FANCI: variants seen among roughly 807,000 people sequenced by gnomAD.
FANCI encodes FA complementation group I.
A neutral mutation model predicts 176.1 loss-of-function variants in FANCI; 156 were observed. The ratio of observed to expected loss-of-function variants is 0.89; its 90% confidence interval spans 0.78 to 1.01. The LOEUF is 1.01. Among genes scored for constraint, FANCI ranks in the 50% least tolerant of loss-of-function variants. The pLI is 0.00. For missense variants in FANCI, 1,678 were observed against 1,534.1 expected (o/e 1.09, Z -1.57); for synonymous variants, 613 against 541.7 (o/e 1.13, Z -1.83).
At chr15:89,244,427 GGCGTTTCC>G (rs2051852349) in intron 1 of FANCI, 1 of 152,234 alleles carries the variant, frequency 6.6e-6, no homozygotes, top group Non-Finnish European at 1.5e-5. Context: ...GGAAGGCCGC[GGCGTTTCC>G]CGCCGGCGGG....
intron 26 of FANCI, among the ~76,000 whole-genome samples, chr15:89,300,687 T>A (rs1411040112): frequency 6.6e-6 from 1 of 152,202 alleles, no homozygotes; most frequent in Non-Finnish European, 1.5e-5. Context: ...GTTTTCTGAG[T>A]CTGTGGTATA....
At chr15:89,296,429 G>C (rs1567167553) in intron 24 of FANCI, among the ~76,000 whole-genome samples, 2 of 151,644 alleles carry the variant, frequency 1.3e-5, no homozygotes, top group African/African-American at 2.4e-5. Flanking sequence ...TTTTTGTTTT[G>C]TTTTGTTTTT....
chr15:89,278,580 G>T (rs1161855365), intron 13 of FANCI, 107 bp from the exon 14 acceptor site: 6 of 760,364 alleles, frequency 7.9e-6, no homozygotes, highest in Middle Eastern at 2.3e-4. Context: ...CTGATTTTTT[G>T]AGTTTTACTC....
chr15:89,271,432 T>C (rs2053196869), intron 10 of FANCI, among the ~76,000 whole-genome samples: 1 of 152,248 alleles, frequency 6.6e-6, no homozygotes, highest in African/African-American at 2.4e-5. Flanking sequence ...ATGTCTTCTT[T>C]CATTAAGTGT....
At chr15:89,313,808 GA>G (rs1266755969) in intron 35 of FANCI, among the ~76,000 whole-genome samples, 1 of 151,472 alleles carries the variant, frequency 6.6e-6, no homozygotes, top group Non-Finnish European at 1.5e-5. Context: ...GGAGAGATAT[GA>G]AAAAAATAAA....
chr15:89,281,417 G>A (rs1381028484), intron 15 of FANCI, 117 bp downstream of exon 15: 5 of 1,329,812 alleles, frequency 3.8e-6, no homozygotes, highest in Non-Finnish European at 5.3e-6. Flanking sequence ...ACTTTAGTCT[G>A]AAACATAAAA....
At chr15:89,308,814 C>T (rs549112745) in intron 34 of FANCI, among the ~76,000 whole-genome samples, 3 of 152,124 alleles carry the variant, frequency 2.0e-5, no homozygotes, top group South Asian at 2.1e-4. Flanking sequence ...AGCATGCTGG[C>T]GGGCACCTGT....
intron 34 of FANCI, 159 bp downstream of exon 34, chr15:89,307,831 T>A (rs993761881): frequency 6.6e-7 from 1 of 1,508,758 alleles, no homozygotes; most frequent in African/African-American, 1.4e-5. Flanking sequence ...GCTTGAGGGC[T>A]TTGCAGCAAG....
chr15:89,297,165 C>T lies in FANCI; in HGVS notation c.2636+2071C>T, dbSNP rs1322135964. On this transcript the variant is annotated intron_variant, in intron 24 of 37. Coordinates refer to ENST00000310775, the MANE Select transcript of FANCI (RefSeq NM_001113378.2). ...AGGGCTCCTCACTTCTCAGACGGGGCGGCCGGGCAGAGGTGCTCCTCACAT... is the reference window on the plus strand; with the variant it reads ...AGGGCTCCTCACTTCTCAGACGGGGTGGCCGGGCAGAGGTGCTCCTCACAT... Among the ~76,000 whole-genome samples the T allele has an allele frequency of 3.7e-4, 49 of 134,054 alleles. 2 individuals are homozygous for T. The highest frequency in any genetic ancestry group is 7.3e-4 in the Admixed American group (10 of 13,628). The allele number at this position is 134,054 out of a possible 152,430, so 87.9% of individuals were successfully genotyped here.
chr15:89,307,545 C>G lies in FANCI; in HGVS notation c.3591+16C>G, dbSNP rs771049012. ...GGAAAAGCTGGTGAGTTGAGAATGC[C>G]TTTCCTAGGAATGGGGGAAGCACTT... On this transcript the variant is annotated intron_variant, in intron 33 of 37. Transcript: ENST00000310775. 23 of 1,614,050 alleles carry G rather than the reference C, an allele frequency of 1.4e-5. No individual in the cohort carries two copies. Among genetic ancestry groups the G allele is most frequent in the Non-Finnish European group, 1.9e-5 (22 of 1,180,038 alleles).
At chr15:89,307,263 G>C (rs553956953) in intron 32 of FANCI, among the ~76,000 whole-genome samples, 2 of 152,250 alleles carry the variant, frequency 1.3e-5, no homozygotes, top group African/African-American at 4.8e-5. Flanking sequence ...TTAAAGAAAT[G>C]AGCAAATCAG....
In FANCI at chr15:89,295,062, A is replaced by C. The variant is rs118031800; in HGVS notation, c.2604A>C (p.Glu868Asp). The change falls in exon 24 of 38, where the codon GAA becomes GAC. Residue 868 changes from glutamate (E) to aspartate (D), a missense_variant. Physicochemically the swap from Glu to Asp is conservative, Grantham distance 45. Around this residue, in one of 3 missense-constraint regions of FANCI, gnomAD observed 1,204 missense variants for 1,077.4 expected, o/e 1.12. Coordinates refer to ENST00000310775, the MANE Select transcript of FANCI (RefSeq NM_001113378.2). ...HVSGPDGQNP[E>D]KIFQNLCDIT... ...GTGGCCCTGATGGCCAAAACCCAGA[A>C]AAGATCTTTCAGAACCTCTGTGACA... 3,160 of 1,551,968 alleles carry C rather than the reference A, an allele frequency of 2.0e-3. 36 individuals carry two copies. The highest frequency in any genetic ancestry group is 0.014 in the East Asian group (588 of 40,924).
chr15:89,294,075 C>G, intron 23 of FANCI, 78 bp downstream of exon 23: 1 of 1,492,064 alleles, frequency 6.7e-7, no homozygotes, highest in Non-Finnish European at 9.3e-7. Context: ...TGTTTCACCT[C>G]GTTTGGATTG....
intron 14 of FANCI, among the ~76,000 whole-genome samples, chr15:89,280,267 G>C (rs1348792265): frequency 6.6e-6 from 1 of 152,080 alleles, no homozygotes; most frequent in Admixed American, 6.6e-5. Flanking sequence ...TGATCCACCT[G>C]CCTCAGGCTT....
chr15:89,273,844 A>G (rs904255923), intron 11 of FANCI, among the ~76,000 whole-genome samples: 13 of 152,076 alleles, frequency 8.5e-5, no homozygotes, highest in African/African-American at 1.4e-4. Context: ...GAAATTTACA[A>G]TTTTTTTCTT....
rs188255121 is a variant in FANCI, at chr15:89,287,194, C to T, written c.1821+1976C>T. Among the ~76,000 whole-genome samples the T allele has an allele frequency of 5.8e-3, 877 of 152,130 alleles. 2 individuals are homozygous for T. Among genetic ancestry groups the T allele is most frequent in the African/African-American group, 0.02 (823 of 41,498 alleles). ...TTCACCATGTTGGCCAGGATGGTCT[C>T]AATCTCTTGACCTCGTGATCTGCCC... is the stretch of plus-strand genomic sequence containing the variant. On this transcript the variant is annotated intron_variant, in intron 18 of 37. Transcript: ENST00000310775.
chr15:89,272,413 T>C (rs938703304), intron 10 of FANCI, among the ~76,000 whole-genome samples: 7 of 150,626 alleles, frequency 4.6e-5, no homozygotes, highest in African/African-American at 1.5e-4. Flanking sequence ...TTAGCAAATA[T>C]TTTTTCTCAG....
rs749013382 is a variant in FANCI at position 89,273,428 on chromosome 15, C to A, written c.934C>A (p.Leu312Ile). ...NNNLSPFSIA[L>I]LLSVTRIQRF... ...TAACTTAAGTCCCTTCAGCATTGCT[C>A]TTCTTCTGTCTGTAACAAGAATACA... Residue 312 changes from leucine to isoleucine, a missense_variant, in exon 11 of 38, where the codon CTT becomes ATT. Transcript: ENST00000310775. The A allele has an allele frequency of 1.2e-6, 2 of 1,603,354 alleles. No homozygotes were observed. The highest frequency in any genetic ancestry group is 2.7e-5 in the African/African-American group (2 of 72,864).
At chr15:89,281,919 C>G (rs1049849902) in intron 16 of FANCI, 84 bp downstream of exon 16, 18 of 1,222,054 alleles carry the variant, frequency 1.5e-5, no homozygotes, top group Non-Finnish European at 1.8e-5. Flanking sequence ...CCTAGTACCA[C>G]CTGTTCACAG....
Sources: gnomAD v4.1 joint callset for allele counts (sites outside exome capture counted in the v4.1 genomes callset) on GRCh38, gnomAD v4.1.1 for gene constraint, gnomAD v4.1.1 regional missense constraint, MANE v1.5 for transcripts, NCBI Gene and HGNC (gene_info 2026-07-23, HGNC 2026-07-21) for gene names.